Variants in GRM7 observed in about 807,000 individuals in gnomAD.
GRM7 encodes the protein glutamate metabotropic receptor 7.
In GRM7, 35 loss-of-function variants were observed where a neutral mutation model predicts 84.5. That is an observed-to-expected ratio of 0.41 (90% CI 0.32 to 0.55). The LOEUF (loss-of-function observed/expected upper bound fraction) is 0.55. Among genes scored for constraint, GRM7 ranks in the 20% least tolerant of loss-of-function variants. The pLI is 0.19. For synonymous variants in GRM7, 487 were observed against 455.1 expected (o/e 1.07, Z -0.89); for missense variants, 1,003 against 1,194.6 (o/e 0.84, Z 2.36).
At chr3:7,371,279 T>C (rs2125117794) in intron 4 of GRM7, among the ~76,000 whole-genome samples, 1 of 152,278 alleles carries the variant, frequency 6.6e-6, no homozygotes, top group South Asian at 2.1e-4. Context: ...TAGCTGGCCA[T>C]GGACAACTGT....
intron 4 of GRM7, among the ~76,000 whole-genome samples, chr3:7,357,091 C>G (rs1191752839): frequency 6.6e-6 from 1 of 150,942 alleles, no homozygotes; most frequent in African/African-American, 2.4e-5. Context: ...CTAGAGAACC[C>G]TGACTTATAC....
chr3:7,231,653 C>A (rs888727788), intron 2 of GRM7, among the ~76,000 whole-genome samples: 12 of 152,246 alleles, frequency 7.9e-5, no homozygotes, highest in African/African-American at 2.9e-4. Context: ...AAGGACTTTC[C>A]ATGCAGTGAT....
chr3:7,275,672 T>C (rs768156139), intron 2 of GRM7, among the ~76,000 whole-genome samples: 1 of 152,074 alleles, frequency 6.6e-6, no homozygotes, highest in Non-Finnish European at 1.5e-5. Flanking sequence ...TTAGGTTCTG[T>C]TTAGCTAGTT....
At chr3:6,916,351 T>C (rs1696938099) in intron 1 of GRM7, among the ~76,000 whole-genome samples, 1 of 152,128 alleles carries the variant, frequency 6.6e-6, no homozygotes, top group Non-Finnish European at 1.5e-5. Flanking sequence ...AGAACCAACA[T>C]TATCAGGAGT....
chr3:7,337,571 AT>A (rs1404419279), intron 4 of GRM7, among the ~76,000 whole-genome samples: 1 of 152,130 alleles, frequency 6.6e-6, no homozygotes, highest in Non-Finnish European at 1.5e-5. Context: ...CAGGAAAAAA[AT>A]AATCCCATTA....
At chr3:7,719,065 G>A (rs1701854559) in intron 9 of GRM7, among the ~76,000 whole-genome samples, 1 of 152,150 alleles carries the variant, frequency 6.6e-6, no homozygotes. Context: ...TGGTAATGGT[G>A]TGAATTTTAT....
chr3:7,502,025 A>G (rs1247643522), intron 7 of GRM7, among the ~76,000 whole-genome samples: 7 of 152,166 alleles, frequency 4.6e-5, no homozygotes, highest in Non-Finnish European at 7.3e-5. Flanking sequence ...TTGGCTTTGG[A>G]CTCAATCAAA....
At chr3:7,626,837 TA>T (rs1697637185) in intron 8 of GRM7, among the ~76,000 whole-genome samples, 1 of 151,708 alleles carries the variant, frequency 6.6e-6, no homozygotes, top group African/African-American at 2.4e-5. Context: ...ATTCAACCCA[TA>T]AAAAAGATCA....
intron 2 of GRM7, among the ~76,000 whole-genome samples, chr3:7,285,751 A>G (rs985269122): frequency 6.6e-6 from 1 of 152,008 alleles, no homozygotes; most frequent in African/African-American, 2.4e-5. Flanking sequence ...AGTAACCTCT[A>G]ACCTTGATCT....
chr3:7,068,336 A>G (rs1697741301), intron 1 of GRM7, among the ~76,000 whole-genome samples: 1 of 152,050 alleles, frequency 6.6e-6, no homozygotes, highest in South Asian at 2.1e-4. Flanking sequence ...TAGGGTAATG[A>G]TGTCAGCATA....
intron 1 of GRM7, among the ~76,000 whole-genome samples, chr3:6,912,991 A>G (rs1179256094): frequency 2.6e-5 from 4 of 152,156 alleles, no homozygotes; most frequent in African/African-American, 4.8e-5. Context: ...TTATAGCATT[A>G]TTCCCTTCCC....
At chr3:7,229,756 TA>T (rs1242049187) in intron 2 of GRM7, among the ~76,000 whole-genome samples, 50 of 33,272 alleles carry the variant, frequency 1.5e-3, no homozygotes, top group Non-Finnish European at 2.8e-3. Context: ...TATATATATA[TA>T]TATTTTTTTT....
chr3:7,222,006 A>G (rs1005218375), intron 2 of GRM7, among the ~76,000 whole-genome samples: 9 of 151,526 alleles, frequency 5.9e-5, no homozygotes, highest in Non-Finnish European at 5.9e-5. Context: ...ACGGGGTTTC[A>G]CCATGTTGAC....
chr3:7,349,559 C>T (rs549822521), intron 4 of GRM7, among the ~76,000 whole-genome samples: 2 of 152,146 alleles, frequency 1.3e-5, no homozygotes, highest in South Asian at 2.1e-4. Context: ...GGGCAACATC[C>T]CTGGGTGTCC....
chr3:7,361,513 T>C (rs1287388415), intron 4 of GRM7, among the ~76,000 whole-genome samples: 1 of 152,126 alleles, frequency 6.6e-6, no homozygotes, highest in Non-Finnish European at 1.5e-5. Context: ...TCCTAAACAG[T>C]TCTTGCTAAG....
chr3:6,889,396 G>A (rs965330589), intron 1 of GRM7, among the ~76,000 whole-genome samples: 2 of 152,084 alleles, frequency 1.3e-5, no homozygotes, highest in Middle Eastern at 3.4e-3. Context: ...ATTATTTTGA[G>A]ATACATCCCA....
intron 4 of GRM7, among the ~76,000 whole-genome samples, chr3:7,312,030 A>G (rs1700416086): frequency 3.9e-5 from 6 of 152,198 alleles, no homozygotes. Context: ...TAACAAAGTC[A>G]TAGCAAATTT....
chr3:7,290,928 AC>A (rs892777965), intron 2 of GRM7, among the ~76,000 whole-genome samples: 4 of 152,012 alleles, frequency 2.6e-5, no homozygotes, highest in African/African-American at 9.7e-5. Flanking sequence ...AACTCTCAGT[AC>A]CTCTATCACC....
At chr3:7,732,780 T>A (rs1277127198) in intron 9 of GRM7, among the ~76,000 whole-genome samples, 5 of 152,084 alleles carry the variant, frequency 3.3e-5, no homozygotes, top group African/African-American at 7.2e-5. Flanking sequence ...CAAGAAAGGG[T>A]TCTTGGCTCT....
Sources: gnomAD v4.1 joint callset for allele counts (sites outside exome capture counted in the v4.1 genomes callset) on GRCh38, gnomAD v4.1.1 for gene constraint, MANE v1.5 for transcripts, NCBI Gene and HGNC (gene_info 2026-07-23, HGNC 2026-07-21) for gene names.